Variants in BAALC observed in about 807,000 individuals in gnomAD.
BAALC encodes the protein BAALC binder of MAP3K1 and KLF4, also known as brain and acute leukemia cytoplasmic protein.
A neutral mutation model predicts 15.5 loss-of-function variants in BAALC; 9 were observed. The observed-to-expected ratio is 0.58, with a 90% confidence interval of 0.35 to 1.02. The LOEUF (loss-of-function observed/expected upper bound fraction) is 1.02. Among genes scored for constraint, BAALC ranks in the 50% least tolerant of loss-of-function variants. The pLI, the probability that BAALC is intolerant of heterozygous loss-of-function variation, is 0.02. For missense variants in BAALC, 201 were observed against 192.4 expected (o/e 1.04, Z -0.27); for synonymous variants, 80 against 74.6 (o/e 1.07, Z -0.37).
At chr8:103,198,196 A>C (rs1217319246) in intron 1 of BAALC, 2 of 695,496 alleles carry the variant, frequency 2.9e-6, no homozygotes, top group Non-Finnish European at 5.2e-6. Context: ...TAAAATAGGC[A>C]TTGCAATGTA....
chr8:103,175,160 C>T (rs771826242), intron 1 of BAALC, among the ~76,000 whole-genome samples: 1 of 152,174 alleles, frequency 6.6e-6, no homozygotes, highest in African/African-American at 2.4e-5. Flanking sequence ...CATTTTGACT[C>T]AGCTCTGTCT....
intron 1 of BAALC, among the ~76,000 whole-genome samples, chr8:103,192,557 G>A (rs1234576863): frequency 1.3e-5 from 2 of 152,328 alleles, no homozygotes; most frequent in East Asian, 3.9e-4. Context: ...TATCAGGTGA[G>A]TTTTTTGGCA....
intron 1 of BAALC, among the ~76,000 whole-genome samples, chr8:103,181,094 A>C (rs1161891427): frequency 6.6e-6 from 1 of 152,058 alleles, no homozygotes; most frequent in Non-Finnish European, 1.5e-5. Context: ...AATTCTCAGG[A>C]AAGGGTGGAG....
At chr8:103,203,542 C>A (rs1812265880) in intron 1 of BAALC, among the ~76,000 whole-genome samples, 1 of 152,174 alleles carries the variant, frequency 6.6e-6, no homozygotes, top group South Asian at 2.1e-4. Context: ...AGAACATTTT[C>A]ATTGCATCAA....
chr8:103,171,895 G>A (rs1347706027), intron 1 of BAALC: 1 of 152,150 alleles, frequency 6.6e-6, no homozygotes, highest in Non-Finnish European at 1.5e-5. Flanking sequence ...CAGTTCAAAA[G>A]CCAGTTCTCC....
chr8:103,226,289 A>C (rs1812805500), intron 2 of BAALC, among the ~76,000 whole-genome samples: 1 of 152,258 alleles, frequency 6.6e-6, no homozygotes, highest in African/African-American at 2.4e-5. Context: ...CCATGCAGCT[A>C]AATGGCTTGT....
At chr8:103,208,001 G>A (rs1017215500) in intron 1 of BAALC, among the ~76,000 whole-genome samples, 1 of 152,156 alleles carries the variant, frequency 6.6e-6, no homozygotes, top group Non-Finnish European at 1.5e-5. Flanking sequence ...GATGACCCCT[G>A]CTCATTGTTT....
rs1365245238 is a variant in BAALC, at chr8:103,144,158, A to G, written c.160+3101A>G. Among the ~76,000 whole-genome samples the G allele has an allele frequency of 2.6e-5, 4 of 152,278 alleles. No homozygotes were observed. In the East Asian group the frequency reaches 7.7e-4, roughly 29 times the overall value. On this transcript the variant is annotated intron_variant, in intron 1 of 2. Transcript: ENST00000309982. ...ATCCAGATTGAGGGTGTGTCACATG[A>G]CAGGTGTTCAGCAAATATTTGTTGA...
chr8:103,154,920 C>CTATA lies in BAALC; in HGVS notation c.160+13880_160+13883dup, dbSNP rs56402841. On this transcript the variant is annotated intron_variant, in intron 1 of 2. Transcript: ENST00000309982. The stretch of plus-strand genomic sequence containing the variant: ...ATGTGGGCCTCTTACCTATCTCAAG[C>CTATA]TATATATATATATATATATAATATA... Among the ~76,000 whole-genome samples the CTATA allele has an allele frequency of 4.2e-3, 540 of 129,970 alleles. 4 individuals are homozygous for CTATA. Among genetic ancestry groups the CTATA allele is most frequent in the African/African-American group, 0.013 (460 of 36,110 alleles). 85.3% of individuals were successfully genotyped at this position (129,970 alleles called of 152,430 possible). A position where few individuals can be genotyped will look rare whatever the true frequency, so the allele number is the denominator to read the frequency against.
intron 1 of BAALC, among the ~76,000 whole-genome samples, chr8:103,158,023 T>C (rs995613529): frequency 6.6e-6 from 1 of 152,178 alleles, no homozygotes; most frequent in African/African-American, 2.4e-5. Flanking sequence ...TTCCCAATGG[T>C]CTCATAAATG....
intron 1 of BAALC, among the ~76,000 whole-genome samples, chr8:103,201,082 A>G (rs924274886): frequency 2.0e-5 from 3 of 152,090 alleles, no homozygotes; most frequent in Non-Finnish European, 4.4e-5. Context: ...GCGTTTTAAA[A>G]TCTCTGACTG....
chr8:103,140,793 G>A lies in BAALC; in HGVS notation c.-105G>A. On this transcript the variant is annotated 5_prime_UTR_variant, in exon 1 of 3. The change abolishes an upstream ATG in the 5' untranslated region. Transcript: ENST00000309982. The surrounding 1 kb of genome is among the most constrained non-coding windows in gnomAD (Gnocchi z 4.2). ...GCGCGGGCGGGAGCGGGGACGCGAT[G>A]TCGCCGCCGCCGCCTCCTTGCGGGC... 9.1e-7 allele frequency: 1 copy of A among 1,097,220 alleles called. No homozygotes were observed. The highest frequency in any genetic ancestry group is 1.2e-6 in the Non-Finnish European group (1 of 869,478). 68.0% of individuals were successfully genotyped at this position (1,097,220 alleles called of 1,614,324 possible).
At chr8:103,190,444 C>T in intron 1 of BAALC, among the ~76,000 whole-genome samples, 1 of 152,184 alleles carries the variant, frequency 6.6e-6, no homozygotes, top group East Asian at 1.9e-4. Context: ...CCTCCAGTCT[C>T]ACCCGCTTTC....
chr8:103,220,809 C>T (rs1314321916), intron 2 of BAALC, among the ~76,000 whole-genome samples: 4 of 152,086 alleles, frequency 2.6e-5, no homozygotes, highest in Non-Finnish European at 5.9e-5. Flanking sequence ...TTCTTTTTGC[C>T]ATAATTATGT....
intron 1 of BAALC, among the ~76,000 whole-genome samples, chr8:103,190,269 C>A (rs1472206428): frequency 6.6e-6 from 1 of 152,156 alleles, no homozygotes; most frequent in Non-Finnish European, 1.5e-5. Flanking sequence ...GCTTGTTCTG[C>A]AGGGCTGTCA....
chr8:103,170,131 TA>T (rs1462235670), intron 1 of BAALC, among the ~76,000 whole-genome samples: 2 of 152,224 alleles, frequency 1.3e-5, no homozygotes, highest in African/African-American at 2.4e-5. Flanking sequence ...TTTATGCCTC[TA>T]AAAGTTCCCT....
chr8:103,198,864 T>C (rs1463859550), intron 1 of BAALC, among the ~76,000 whole-genome samples: 1 of 152,174 alleles, frequency 6.6e-6, no homozygotes, highest in Non-Finnish European at 1.5e-5. Context: ...TGAGCCGAAA[T>C]TGTGCCACTG....
At chr8:103,197,950 T>G in intron 1 of BAALC, 1 of 562,814 alleles carries the variant, frequency 1.8e-6, no homozygotes, top group Non-Finnish European at 3.1e-6. Context: ...ATATCAGCCT[T>G]CATCCCAACG....
intron 1 of BAALC, among the ~76,000 whole-genome samples, chr8:103,152,579 C>T (rs1245561323): frequency 1.3e-5 from 2 of 152,238 alleles, no homozygotes; most frequent in Non-Finnish European, 2.9e-5. Context: ...GACTCACCCA[C>T]TGTTACAGTC....
Sources: allele counts gnomAD v4.1 joint callset (sites outside exome capture counted in the v4.1 genomes callset), GRCh38; gene constraint gnomAD v4.1.1; non-coding constraint Gnocchi (gnomAD v3.1); transcripts MANE v1.5; gene names NCBI Gene and HGNC (gene_info 2026-07-23, HGNC 2026-07-21).